RGS3: variants seen among roughly 807,000 people sequenced by gnomAD.
The protein encoded by RGS3 is regulator of G-protein signalling 3.
In RGS3, 80 loss-of-function variants were observed where a neutral mutation model predicts 132.6. That is an observed-to-expected ratio of 0.60 (90% CI 0.50 to 0.73). The LOEUF (loss-of-function observed/expected upper bound fraction) is 0.73, where lower values mean the gene tolerates loss of function less well. Ranked by LOEUF, RGS3 falls within the 30% of genes least tolerant of loss-of-function variation. The pLI is 0.00. For missense variants in RGS3, 1,382 were observed against 1,530.8 expected, an observed-to-expected ratio of 0.90 and a Z score of 1.62; for synonymous variants, 598 against 620.6, an observed-to-expected ratio of 0.96 and a Z score of 0.54.
At chr9:113,585,549 A>G (rs183526579) in intron 20 of RGS3, among the ~76,000 whole-genome samples, 5 of 152,238 alleles carry the variant, frequency 3.3e-5, no homozygotes, top group Non-Finnish European at 5.9e-5. Context: ...AGGAGGACAG[A>G]CCCCAGGGCC....
rs1833983499 is a variant in RGS3 at position 113,565,907 on chromosome 9, GTGTGTGTGTCTGTC to G, written c.2038-17539_2038-17526del. 6.7e-6 allele frequency among the ~76,000 whole-genome samples: 1 copy of G among 149,064 alleles called. No individual in the cohort carries two copies. Among genetic ancestry groups the G allele is most frequent in the African/African-American group, 2.4e-5 (1 of 40,952 alleles). On this transcript the variant is annotated intron_variant, in intron 19 of 24. Coordinates refer to ENST00000350696, the Ensembl canonical transcript of RGS3. This position sits in a 1 kb window ranked among gnomAD's most constrained non-coding sequence, Gnocchi z 5.7. ...TGTGTGTGTGTGTGTGTGTGTGTGT[GTGTGTGTGTCTGTC>G]TGTCTGTCTGTCTCAGGGGCTGGGA...
At chr9:113,461,461 G>A (rs903512317) in intron 1 of RGS3, among the ~76,000 whole-genome samples, 3 of 152,144 alleles carry the variant, frequency 2.0e-5, no homozygotes, top group Admixed American at 1.3e-4. Context: ...AAGGGTGACC[G>A]ACCTGTCCTT....
chr9:113,571,144 A>G (rs1461445007), intron 19 of RGS3, among the ~76,000 whole-genome samples: 1 of 152,222 alleles, frequency 6.6e-6, no homozygotes, highest in African/African-American at 2.4e-5. Context: ...CAGTTTATCT[A>G]ATCTACTGCT....
At chr9:113,588,424 G>A (rs114756465) in intron 20 of RGS3, among the ~76,000 whole-genome samples, 1,999 of 152,302 alleles carry the variant, frequency 0.013, 41 homozygotes, top group African/African-American at 0.046. Context: ...CCAGAAGTCC[G>A]ACCAGGACCA....
At chr9:113,530,757 G>T (rs1724009637) in intron 18 of RGS3, among the ~76,000 whole-genome samples, 1 of 152,216 alleles carries the variant, frequency 6.6e-6, no homozygotes, top group South Asian at 2.1e-4. Flanking sequence ...TTTCAGTAAA[G>T]TGCCAGGTGA....
intron 20 of RGS3, among the ~76,000 whole-genome samples, chr9:113,588,799 C>T (rs1241098771): frequency 6.6e-6 from 1 of 152,110 alleles, no homozygotes; most frequent in Non-Finnish European, 1.5e-5. Flanking sequence ...TCACCACAGC[C>T]CTTTGAGGGA....
intron 10 of RGS3, among the ~76,000 whole-genome samples, 196 bp downstream of exon 8, chr9:113,498,276 G>A (rs557287520): frequency 1.3e-5 from 2 of 152,298 alleles, no homozygotes; most frequent in African/African-American, 4.8e-5. Context: ...ATCCATGATC[G>A]TGGCAGGGGT....
At position 113,463,847 on chromosome 9, in the gene RGS3, C is replaced by T; in HGVS notation, c.415+1646C>T. On this transcript the variant is annotated intron_variant, in intron 3 of 24. Transcript: ENST00000350696. This position sits in a 1 kb window ranked among gnomAD's most constrained non-coding sequence, Gnocchi z 4.6. Reference sequence around the variant, plus strand: ...GCGTCTCCCTCGGGAGCCGGCGTGCCCACCCGGACTTGTCCTTCTACCTCA... The same window carrying T: ...GCGTCTCCCTCGGGAGCCGGCGTGCTCACCCGGACTTGTCCTTCTACCTCA... The T allele has an allele frequency of 6.2e-7, 1 of 1,613,120 alleles. No individual in the cohort carries two copies. Among genetic ancestry groups the T allele is most frequent in the Non-Finnish European group, 8.5e-7 (1 of 1,179,808 alleles).
intron 19 of RGS3, chr9:113,581,746 T>G (rs1834823037): frequency 6.6e-6 from 1 of 152,300 alleles, no homozygotes; most frequent in Admixed American, 6.5e-5. Flanking sequence ...GTCTATGCAG[T>G]GGGGATTTCG....
intron 1 of RGS3, among the ~76,000 whole-genome samples, chr9:113,454,888 G>T (rs1174679242): frequency 6.6e-6 from 1 of 152,064 alleles, no homozygotes; most frequent in African/African-American, 2.4e-5. Context: ...TAATTCTTTG[G>T]TGGTTCTTTC....
At chr9:113,549,816 A>C (rs532635508) in intron 19 of RGS3, among the ~76,000 whole-genome samples, 1 of 151,920 alleles carries the variant, frequency 6.6e-6, no homozygotes, top group African/African-American at 2.4e-5. Flanking sequence ...AACGTGCTTT[A>C]TTTAAGTAAT....
chr9:113,498,599 G>A (rs545429281), intron 10 of RGS3, among the ~76,000 whole-genome samples: 4 of 152,226 alleles, frequency 2.6e-5, no homozygotes, highest in East Asian at 1.9e-4. Context: ...GGGGATCTAC[G>A]GTTTTCTTTA....
chr9:113,486,991 G>A (rs921511916), intron 7 of RGS3, among the ~76,000 whole-genome samples: 13 of 151,990 alleles, frequency 8.6e-5, no homozygotes, highest in Non-Finnish European at 1.9e-4. Context: ...CACCGATAGA[G>A]ACTTGGAGCT....
At chr9:113,482,976 T>C in intron 4 of RGS3, 83 bp from the exon 3 acceptor site, 2 of 1,608,680 alleles carry the variant, frequency 1.2e-6, no homozygotes, top group Middle Eastern at 1.7e-4. Context: ...TGTGGATGGA[T>C]ATGTCTATGT....
chr9:113,595,816 G>A, intron 24 of RGS3, 51 bp downstream of exon 22: 1 of 1,583,488 alleles, frequency 6.3e-7, no homozygotes, highest in Non-Finnish European at 8.6e-7. Flanking sequence ...GGGCCCAGTG[G>A]CCCTTCAGCT....
At chr9:113,541,405 C>T (rs761980589) in intron 19 of RGS3, 72 of 1,613,718 alleles carry the variant, frequency 4.5e-5, no homozygotes, top group Non-Finnish European at 1.9e-5. Flanking sequence ...TTTACCTCAC[C>T]AGGACAGACT....
intron 10 of RGS3, chr9:113,501,562 G>T: frequency 6.5e-7 from 1 of 1,545,434 alleles, no homozygotes; most frequent in Non-Finnish European, 8.7e-7. Flanking sequence ...GGCAGCCGAG[G>T]CAGGACCCGC....
At chr9:113,584,460 CATGCA>C (rs1313476268) in intron 20 of RGS3, 33 bp downstream of exon 18, 1 of 1,496,366 alleles carries the variant, frequency 6.7e-7, no homozygotes, top group African/African-American at 1.4e-5. Context: ...GAGAAGGATA[CATGCA>C]ATGTGGGGAG....
chr9:113,460,020 A>G (rs1297481660), upstream of RGS3, among the ~76,000 whole-genome samples: 2 of 150,306 alleles, frequency 1.3e-5, no homozygotes, highest in Admixed American at 1.3e-4. Context: ...CAGCCTGGGC[A>G]ACAAGAGAGA....
Sources: allele counts gnomAD v4.1 joint callset (sites outside exome capture counted in the v4.1 genomes callset), GRCh38; gene constraint gnomAD v4.1.1; non-coding constraint Gnocchi (gnomAD v3.1); transcripts MANE v1.5; gene names NCBI Gene and HGNC (gene_info 2026-07-23, HGNC 2026-07-21).